The following CHD7 variants were observed in gnomAD, a reference collection of about 807,000 sequenced individuals.
CHD7 encodes the protein ATP-dependent chromatin remodeler CHD7.
A neutral mutation model predicts 307.3 loss-of-function variants in CHD7; 24 were observed. The ratio of observed to expected loss-of-function variants is 0.08; its 90% confidence interval spans 0.06 to 0.11. CHD7 has a LOEUF of 0.11. CHD7 is among the 10% of genes least tolerant of loss of function. The probability of loss-of-function intolerance (pLI) is 1.00; values close to 1 mark genes in which losing one functional copy is unlikely to be tolerated. For synonymous variants in CHD7, 1,363 were observed against 1,349.9 expected, an observed-to-expected ratio of 1.01 and a Z score of -0.21; for missense variants, 3,106 against 3,727.1, an observed-to-expected ratio of 0.83 and a Z score of 4.34.
At chr8:60,802,828 C>T (rs1812374067) in intron 6 of CHD7, among the ~76,000 whole-genome samples, 2 of 152,160 alleles carry the variant, frequency 1.3e-5, no homozygotes, top group African/African-American at 4.8e-5. Flanking sequence ...GTTATTGCAC[C>T]AGCAGTAAAC....
intron 1 of CHD7, among the ~76,000 whole-genome samples, chr8:60,722,582 G>A (rs909138323): frequency 6.6e-6 from 1 of 152,114 alleles, no homozygotes; most frequent in Non-Finnish European, 1.5e-5. Context: ...AATCTAAGAA[G>A]TATAAAAATA....
chr8:60,866,045 T>A lies in CHD7; in HGVS notation c.*112T>A. 4 of 1,018,504 alleles carry A rather than the reference T, an allele frequency of 3.9e-6. No homozygotes were observed. Among genetic ancestry groups the A allele is most frequent in the Admixed American group, 2.6e-5 (1 of 38,522 alleles). The allele number at this position is 1,018,504 out of a possible 1,614,324, so 63.1% of individuals were successfully genotyped here. A position where few individuals can be genotyped will look rare whatever the true frequency, so the allele number is the denominator to read the frequency against. ...TTTTATAAGCTGTTCTGTAACATAG[T>A]GTAGCAAAAAAAAAAGTTCAAGTCA... On this transcript the variant is annotated 3_prime_UTR_variant, in exon 38 of 38. Transcript: ENST00000423902.
At chr8:60,703,069 C>T (rs1023391049) in intron 1 of CHD7, among the ~76,000 whole-genome samples, 11 of 152,336 alleles carry the variant, frequency 7.2e-5, no homozygotes, top group African/African-American at 2.6e-4. Context: ...GAAGGGAATA[C>T]TTCAGGGAGG....
intron 1 of CHD7, among the ~76,000 whole-genome samples, chr8:60,733,411 T>C (rs772565857): frequency 1.3e-5 from 2 of 152,188 alleles, no homozygotes; most frequent in East Asian, 3.8e-4. Context: ...CTAGGACATG[T>C]TGTGTACATG....
chr8:60,842,215 G>A (rs1349862338), intron 21 of CHD7, among the ~76,000 whole-genome samples, 163 bp downstream of exon 21: 1 of 152,214 alleles, frequency 6.6e-6, no homozygotes, highest in African/African-American at 2.4e-5. Flanking sequence ...AAGCCATTTG[G>A]TTAACATAAT....
At chr8:60,864,137 G>C (rs1259756773) in intron 37 of CHD7, 1 of 145,574 alleles carries the variant, frequency 6.9e-6, no homozygotes, top group African/African-American at 2.6e-5. Flanking sequence ...TAAGAGACAG[G>C]GTCTTGCTGT....
chr8:60,786,315 G>A (rs537479868), intron 3 of CHD7, among the ~76,000 whole-genome samples: 35 of 152,222 alleles, frequency 2.3e-4, no homozygotes, highest in African/African-American at 6.3e-4. Context: ...TACAGACCCC[G>A]GTGTCTTTGA....
chr8:60,714,298 C>G (rs1346764452), intron 1 of CHD7, among the ~76,000 whole-genome samples: 1 of 151,712 alleles, frequency 6.6e-6, no homozygotes, highest in South Asian at 2.1e-4. Flanking sequence ...ACTCGGGGCG[C>G]TCGCTTCACC....
At position 60,841,762 on chromosome 8, in the gene CHD7, A is replaced by G. The variant is rs758590385; in HGVS notation, c.4644+8A>G. 1.2e-6 allele frequency: 2 copies of G among 1,603,602 alleles called. No homozygotes were observed. Among genetic ancestry groups the G allele is most frequent in the Admixed American group, 1.7e-5 (1 of 59,922 alleles). ...GATGCCTTAAATGGGAGGGTGAGTA[A>G]GAAGTCCCATTCGAACACCTATCTG... On this transcript the variant is annotated splice_region_variant and intron_variant, in intron 20 of 37. Coordinates refer to ENST00000423902, the MANE Select transcript of CHD7 (RefSeq NM_017780.4).
intron 1 of CHD7, among the ~76,000 whole-genome samples, chr8:60,738,898 G>C (rs1454054943): frequency 6.6e-6 from 1 of 152,200 alleles, no homozygotes; most frequent in African/African-American, 2.4e-5. Context: ...AGGGCGTAGG[G>C]AACAGGAAGA....
intron 6 of CHD7, among the ~76,000 whole-genome samples, chr8:60,807,143 G>C (rs1812572877): frequency 1.3e-5 from 2 of 152,226 alleles, no homozygotes. Context: ...TAGTACCTTT[G>C]AACAGATCTG....
chr8:60,735,919 G>T (rs1808681007), intron 1 of CHD7, among the ~76,000 whole-genome samples: 2 of 152,192 alleles, frequency 1.3e-5, no homozygotes, highest in African/African-American at 4.8e-5. Context: ...CTAAGGAACT[G>T]AATTTTAAGT....
chr8:60,741,119 A>C (rs1416025736), intron 1 of CHD7, 140 bp from the exon 2 acceptor site: 1 of 334,434 alleles, frequency 3.0e-6, no homozygotes, highest in Non-Finnish European at 5.4e-6. Context: ...AAATTTATAA[A>C]ATACAGCTCA....
chr8:60,850,367 G>A, intron 25 of CHD7, 126 bp from the exon 26 acceptor site: 9 of 1,188,016 alleles, frequency 7.6e-6, no homozygotes, highest in Non-Finnish European at 1.0e-5. Flanking sequence ...GGTCCACTTG[G>A]ATTCAACAGA....
At chr8:60,844,387 T>TGTGG (rs1445393887) in intron 21 of CHD7, among the ~76,000 whole-genome samples, 1 of 152,238 alleles carries the variant, frequency 6.6e-6, no homozygotes, top group Non-Finnish European at 1.5e-5. Context: ...CACCAGTGAC[T>TGTGG]GTGGCATCCC....
At chr8:60,686,828 T>C (rs1586161085) in intron 1 of CHD7, among the ~76,000 whole-genome samples, 1 of 152,348 alleles carries the variant, frequency 6.6e-6, no homozygotes, top group East Asian at 1.9e-4. Context: ...ACCTTACTAG[T>C]TAATTTTCTT....
chr8:60,820,071 G>T lies in CHD7; in HGVS notation c.2678G>T (p.Ser893Ile), dbSNP rs1445210885. 6.2e-7 allele frequency: 1 copy of T among 1,608,896 alleles called. No individual in the cohort carries two copies. Among genetic ancestry groups the T allele is most frequent in the East Asian group, 2.2e-5 (1 of 44,780 alleles). ...GACCGGATAATGGACTTTGCACGTA[G>T]CACAGATGACCGGGGAGAGGTAACA... Reference protein sequence around the residue: ...EVDRIMDFARSTDDRGEPVTH... With the variant: ...EVDRIMDFARITDDRGEPVTH... The change falls in exon 9 of 38, where the codon AGC becomes ATC. Residue 893 changes from serine (S) to isoleucine (I), a missense_variant. Ser to Ile is a moderately radical substitution (Grantham distance 142, BLOSUM62 -2). Coordinates refer to ENST00000423902, the MANE Select transcript of CHD7 (RefSeq NM_017780.4).
chr8:60,786,180 G>A (rs777343175), intron 3 of CHD7, among the ~76,000 whole-genome samples: 1 of 152,154 alleles, frequency 6.6e-6, no homozygotes, highest in Non-Finnish European at 1.5e-5. Context: ...TTCCTTTAGG[G>A]TAACCACCTC....
intron 12 of CHD7, among the ~76,000 whole-genome samples, chr8:60,823,300 G>A (rs1296035604): frequency 6.6e-6 from 1 of 152,024 alleles, no homozygotes; most frequent in Admixed American, 6.6e-5. Context: ...GACATGATAA[G>A]GAAGAATAAT....
Sources: gnomAD v4.1 joint callset for allele counts (sites outside exome capture counted in the v4.1 genomes callset) on GRCh38, gnomAD v4.1.1 for gene constraint, MANE v1.5 for transcripts, NCBI Gene and HGNC (gene_info 2026-07-23, HGNC 2026-07-21) for gene names.